FBLN7: variants seen among roughly 807,000 people sequenced by gnomAD.
FBLN7 encodes fibulin 7.
A neutral mutation model predicts 44.0 loss-of-function variants in FBLN7; 31 were observed. The ratio of observed to expected loss-of-function variants is 0.70; its 90% CI spans 0.53 to 0.95. FBLN7 has a LOEUF of 0.95. Ranked by LOEUF, FBLN7 falls within the 40% of genes least tolerant of loss-of-function variation. FBLN7 has a pLI of 0.00. For synonymous variants in FBLN7, 262 were observed against 253.4 expected, an observed-to-expected ratio of 1.03 and a Z score of -0.32; for missense variants, 573 against 618.5, an observed-to-expected ratio of 0.93 and a Z score of 0.78.
chr2:112,223,542 G>A, the FBLN7 span, among the ~76,000 whole-genome samples: 2 of 151,946 alleles, frequency 1.3e-5, no homozygotes, highest in Admixed American at 1.3e-4. Flanking sequence ...TAAACTATCT[G>A]CATATATTAC....
At chr2:112,217,097 G>A in the FBLN7 span, among the ~76,000 whole-genome samples, 2 of 152,122 alleles carry the variant, frequency 1.3e-5, no homozygotes, top group African/African-American at 2.4e-5. Flanking sequence ...GACCAGGCGC[G>A]GTGGCTCACA....
At chr2:112,199,650 A>T in the FBLN7 span, among the ~76,000 whole-genome samples, 1 of 152,126 alleles carries the variant, frequency 6.6e-6, no homozygotes, top group Non-Finnish European at 1.5e-5. Context: ...GATGTTCCTC[A>T]GTTCCTCTCT....
At chr2:112,154,642 C>T (rs1681325213) in intron 1 of FBLN7, among the ~76,000 whole-genome samples, 1 of 152,202 alleles carries the variant, frequency 6.6e-6, no homozygotes, top group Non-Finnish European at 1.5e-5. Context: ...GGTGGACAGC[C>T]CTTGAGGGTC....
At chr2:112,160,718 A>G (rs531959795) in intron 2 of FBLN7, among the ~76,000 whole-genome samples, 9,980 of 139,916 alleles carry the variant, frequency 0.071, 337 homozygotes, top group Middle Eastern at 0.16. Context: ...ACACACAAGC[A>G]CGCGCACACG....
intron 1 of FBLN7, among the ~76,000 whole-genome samples, chr2:112,154,209 AG>A (rs2104552138): frequency 6.6e-6 from 1 of 152,342 alleles, no homozygotes; most frequent in African/African-American, 2.4e-5. Flanking sequence ...TCCATTTCAA[AG>A]AAGTTATTAA....
chr2:112,237,034 C>A, the FBLN7 span, among the ~76,000 whole-genome samples: 19 of 152,258 alleles, frequency 1.2e-4, no homozygotes, highest in African/African-American at 4.6e-4. Context: ...GCACTCCAGC[C>A]TGGGCAACAG....
intron 1 of FBLN7, among the ~76,000 whole-genome samples, chr2:112,140,291 G>A (rs1346465601): frequency 2.7e-5 from 4 of 150,550 alleles, no homozygotes; most frequent in African/African-American, 9.8e-5. Flanking sequence ...TGTCCCTCCC[G>A]CCTCTCTCCA....
downstream of FBLN7, among the ~76,000 whole-genome samples, chr2:112,192,426 C>T (rs930109178): frequency 5.0e-4 from 76 of 152,260 alleles, no homozygotes; most frequent in African/African-American, 1.8e-3. Context: ...ACAGCTAGCC[C>T]ACCTGCCTGA....
chr2:112,209,305 G>A, the FBLN7 span, among the ~76,000 whole-genome samples: 1 of 152,174 alleles, frequency 6.6e-6, no homozygotes, highest in Non-Finnish European at 1.5e-5. Flanking sequence ...CTTCTCTGGA[G>A]GTGTTTTAGT....
chr2:112,241,389 A>T, the FBLN7 span, among the ~76,000 whole-genome samples: 1 of 151,880 alleles, frequency 6.6e-6, no homozygotes, highest in Non-Finnish European at 1.5e-5. Context: ...CTAGAAAAAT[A>T]CTCCATCCTA....
chr2:112,237,890 T>A, the FBLN7 span, among the ~76,000 whole-genome samples: 1 of 152,224 alleles, frequency 6.6e-6, no homozygotes, highest in South Asian at 2.1e-4. Context: ...ATAATTGCCA[T>A]TTGCCCTCAT....
At chr2:112,159,864 C>A in intron 2 of FBLN7, 29 bp downstream of exon 2, 1 of 1,495,904 alleles carries the variant, frequency 6.7e-7, no homozygotes, top group Non-Finnish European at 8.9e-7. Context: ...ACCGCTGGGG[C>A]GGCAGCGCAG....
the FBLN7 span, among the ~76,000 whole-genome samples, chr2:112,209,929 A>G: frequency 6.6e-6 from 1 of 152,058 alleles, no homozygotes; most frequent in Non-Finnish European, 1.5e-5. Context: ...TTAAAGGTGG[A>G]ATCTATACCA....
chr2:112,214,391 C>CTT, the FBLN7 span: 1 of 152,126 alleles, frequency 6.6e-6, no homozygotes, highest in Non-Finnish European at 1.5e-5. Context: ...GATAACCATG[C>CTT]TGGCCAAATA....
chr2:112,236,484 C>T, the FBLN7 span: 1 of 1,562,418 alleles, frequency 6.4e-7, no homozygotes, highest in Non-Finnish European at 8.6e-7. Context: ...TCACATAGCA[C>T]TTCTTGTCAC....
In FBLN7 at chr2:112,165,184, C is replaced by T. The variant is rs1472909627; in HGVS notation, c.406+13C>T. 6.2e-7 allele frequency: 1 copy of T among 1,613,368 alleles called. No homozygotes were observed. Among genetic ancestry groups the T allele is most frequent in the Admixed American group, 1.7e-5 (1 of 59,980 alleles). On this transcript the variant is annotated intron_variant, in intron 3 of 7. Transcript: ENST00000331203. Reference sequence around the variant, plus strand: ...CCCCACTGTAGAGGTATCGTCTCTCCTTCCCATCCCACTGCGCTGGACCCA... The same window carrying T: ...CCCCACTGTAGAGGTATCGTCTCTCTTTCCCATCCCACTGCGCTGGACCCA...
chr2:112,145,865 G>A (rs1680876189), intron 1 of FBLN7, among the ~76,000 whole-genome samples: 1 of 152,196 alleles, frequency 6.6e-6, no homozygotes, highest in Non-Finnish European at 1.5e-5. Flanking sequence ...AGAAATTTCT[G>A]CCAATAACAC....
the FBLN7 span, among the ~76,000 whole-genome samples, chr2:112,234,954 G>C: frequency 1.3e-5 from 2 of 151,856 alleles, no homozygotes; most frequent in African/African-American, 4.8e-5. Flanking sequence ...ATGCTCACTG[G>C]GTGTGAGTTG....
In FBLN7 at chr2:112,185,063, C is replaced by A. The variant is rs1217656043; in HGVS notation, c.809-138C>A. The A allele has an allele frequency of 4.1e-6, 5 of 1,206,342 alleles. No homozygotes were observed. In the Admixed American group the frequency reaches 9.5e-5, roughly 23 times the overall value. The allele number at this position is 1,206,342 out of a possible 1,614,324, so 74.7% of individuals were successfully genotyped here. On this transcript the variant is annotated intron_variant, in intron 6 of 7. Coordinates refer to ENST00000331203, the MANE Select transcript of FBLN7 (RefSeq NM_153214.3). ...CCTGATTCCACACAGTTAAGGAAGG[C>A]AGGCTTTCTGCTTTAAGAATAAGTG...
Sources: allele counts gnomAD v4.1 joint callset (sites outside exome capture counted in the v4.1 genomes callset), GRCh38; gene constraint gnomAD v4.1.1; transcripts MANE v1.5; gene names NCBI Gene and HGNC (gene_info 2026-07-23, HGNC 2026-07-21).